The following STARD13 variants were observed in gnomAD, a reference collection of about 807,000 sequenced individuals.
STARD13 encodes the protein stAR-related lipid transfer protein 13.
In STARD13, 62 loss-of-function variants were observed where a neutral mutation model predicts 106.4. The observed-to-expected ratio is 0.58, with a 90% CI of 0.48 to 0.72. The LOEUF is 0.72. Among genes scored for constraint, STARD13 ranks in the 30% least tolerant of loss-of-function variants. The probability of loss-of-function intolerance (pLI) is 0.00; values close to 1 mark genes in which losing one functional copy is unlikely to be tolerated. For synonymous variants in STARD13, 565 were observed against 553.0 expected, an observed-to-expected ratio of 1.02 and a Z score of -0.31; for missense variants, 1,387 against 1,424.0, an observed-to-expected ratio of 0.97 and a Z score of 0.42.
At chr13:33,398,510 A>T in the STARD13 span, among the ~76,000 whole-genome samples, 3 of 152,248 alleles carry the variant, frequency 2.0e-5, no homozygotes, top group Non-Finnish European at 2.9e-5. Context: ...TTGTTAAAAA[A>T]GTAGAAAGCC....
intron 1 of STARD13, among the ~76,000 whole-genome samples, chr13:33,291,612 G>A (rs963469050): frequency 6.6e-6 from 1 of 152,068 alleles, no homozygotes; most frequent in Non-Finnish European, 1.5e-5. Flanking sequence ...GAAAAACAGG[G>A]CAGTAAGTAT....
At chr13:33,443,149 C>T in the STARD13 span, among the ~76,000 whole-genome samples, 37 of 151,876 alleles carry the variant, frequency 2.4e-4, no homozygotes, top group East Asian at 2.5e-3. Flanking sequence ...GAGGACGAGG[C>T]GGGCGGATCA....
At chr13:33,485,793 A>C in the STARD13 span, among the ~76,000 whole-genome samples, 1 of 152,228 alleles carries the variant, frequency 6.6e-6, no homozygotes, top group Non-Finnish European at 1.5e-5. Flanking sequence ...CTTTCAAAAA[A>C]CACTCCAAGA....
the STARD13 span, among the ~76,000 whole-genome samples, chr13:33,503,811 C>A: frequency 6.6e-6 from 1 of 152,180 alleles, no homozygotes; most frequent in South Asian, 2.1e-4. Context: ...TCAGAGTGAA[C>A]AGGCAACCTA....
the STARD13 span, among the ~76,000 whole-genome samples, chr13:33,363,641 A>G: frequency 3.3e-5 from 5 of 152,362 alleles, no homozygotes; most frequent in East Asian, 1.9e-4. Flanking sequence ...TCTCTGCCTC[A>G]GTGCCTTTGC....
chr13:33,651,699 C>T, the STARD13 span, among the ~76,000 whole-genome samples: 1 of 152,196 alleles, frequency 6.6e-6, no homozygotes, highest in Non-Finnish European at 1.5e-5. Flanking sequence ...GAGGTGAGCT[C>T]CAGTTCCCTT....
At chr13:33,467,236 T>C in the STARD13 span, among the ~76,000 whole-genome samples, 1 of 151,454 alleles carries the variant, frequency 6.6e-6, no homozygotes, top group African/African-American at 2.4e-5. Context: ...AACTAGATGG[T>C]CCTGTCTGGG....
In STARD13 at chr13:33,130,283, C is replaced by T. The variant is rs201883894; in HGVS notation, c.394G>A (p.Asp132Asn). The change falls in exon 5 of 14, where the codon GAC becomes AAC. Residue 132 changes from aspartate to asparagine, a missense_variant. Asp to Asn is a conservative substitution (Grantham distance 23, BLOSUM62 1). Transcript: ENST00000336934. This position sits in a 1 kb window ranked among gnomAD's most constrained non-coding sequence, Gnocchi z 4.1. Reference protein sequence around the residue: ...DVNFQRKKGDDSDEEDLCISN... With the variant: ...DVNFQRKKGDNSDEEDLCISN... The stretch of plus-strand genomic sequence containing the variant: ...ATACAAAGATCTTCCTCATCGGAGT[C>T]GTCACCCTGCAGAGCACCAAGGAAA... 4 of 1,599,910 alleles carry T rather than the reference C, an allele frequency of 2.5e-6. No individual in the cohort carries two copies. Among genetic ancestry groups the T allele is most frequent in the Admixed American group, 1.7e-5 (1 of 60,000 alleles).
the STARD13 span, among the ~76,000 whole-genome samples, chr13:33,365,421 G>A: frequency 6.6e-6 from 1 of 152,180 alleles, no homozygotes; most frequent in Non-Finnish European, 1.5e-5. Flanking sequence ...TGCATTCACT[G>A]CACAGTTATA....
At chr13:33,669,530 C>CTTTTTTTTTT in the STARD13 span, among the ~76,000 whole-genome samples, 1 of 103,156 alleles carries the variant, frequency 9.7e-6, no homozygotes, top group African/African-American at 4.4e-5. Flanking sequence ...AGAGGATGTT[C>CTTTTTTTTTT]TTTTTTTTTT....
chr13:33,646,911 T>C, the STARD13 span, among the ~76,000 whole-genome samples: 2 of 152,118 alleles, frequency 1.3e-5, no homozygotes, highest in Non-Finnish European at 2.9e-5. Flanking sequence ...AATTTAAAAA[T>C]TCATTGGTAC....
chr13:33,185,782 C>T (rs543079486), intron 1 of STARD13: 374 of 1,231,860 alleles, frequency 3.0e-4, no homozygotes, highest in South Asian at 1.7e-3. Flanking sequence ...CCTTCCAGAC[C>T]ACCTGACCAC....
upstream of STARD13, chr13:33,285,834 G>C: frequency 7.8e-7 from 1 of 1,286,572 alleles, no homozygotes; most frequent in Non-Finnish European, 1.0e-6. Context: ...GAACCAATGA[G>C]AGGAAGAGAG....
the STARD13 span, among the ~76,000 whole-genome samples, chr13:33,540,312 G>T: frequency 6.6e-6 from 1 of 152,196 alleles, no homozygotes; most frequent in Non-Finnish European, 1.5e-5. Flanking sequence ...CTTAAAGGAA[G>T]CACATTAAGG....
the STARD13 span, among the ~76,000 whole-genome samples, chr13:33,389,140 TAG>T: frequency 6.6e-6 from 1 of 151,852 alleles, no homozygotes; most frequent in Non-Finnish European, 1.5e-5. Flanking sequence ...GTATTTTTAG[TAG>T]AGATGGGATT....
the STARD13 span, among the ~76,000 whole-genome samples, chr13:33,408,743 CCT>C: frequency 6.6e-6 from 1 of 152,068 alleles, no homozygotes; most frequent in Non-Finnish European, 1.5e-5. Context: ...CAATCCATTT[CCT>C]CTCTCTCCTC....
At chr13:33,670,259 G>A in the STARD13 span, among the ~76,000 whole-genome samples, 9 of 152,144 alleles carry the variant, frequency 5.9e-5, no homozygotes, top group Admixed American at 5.9e-4. Flanking sequence ...ATATCACATT[G>A]AACTTCAGTG....
the STARD13 span, among the ~76,000 whole-genome samples, chr13:33,503,801 T>C: frequency 1.3e-5 from 2 of 151,804 alleles, no homozygotes; most frequent in Non-Finnish European, 2.9e-5. Flanking sequence ...TTTACTTCCA[T>C]CAGAGTGAAC....
chr13:33,494,315 T>A, the STARD13 span, among the ~76,000 whole-genome samples: 1 of 152,136 alleles, frequency 6.6e-6, no homozygotes, highest in South Asian at 2.1e-4. Context: ...CTACACATTT[T>A]ACTTACTTTG....
Sources: allele counts gnomAD v4.1 joint callset (sites outside exome capture counted in the v4.1 genomes callset), GRCh38; gene constraint gnomAD v4.1.1; non-coding constraint Gnocchi (gnomAD v3.1); transcripts MANE v1.5; gene names NCBI Gene and HGNC (gene_info 2026-07-23, HGNC 2026-07-21).